The following ZNF804A variants were observed in gnomAD, a reference collection of about 807,000 sequenced individuals.
The protein encoded by ZNF804A is zinc finger protein 804A.
A neutral mutation model predicts 16.5 loss-of-function variants in ZNF804A; 2 were observed. The ratio of observed to expected loss-of-function variants is 0.12; its 90% CI spans 0.05 to 0.38. The LOEUF (loss-of-function observed/expected upper bound fraction) is 0.38, where lower values mean the gene tolerates loss of function less well. ZNF804A is among the 10% of genes least tolerant of loss of function. The probability of loss-of-function intolerance (pLI) is 0.99; values close to 1 mark genes in which losing one functional copy is unlikely to be tolerated. For missense variants in ZNF804A, 1,473 were observed against 1,390.7 expected (o/e 1.06, Z -0.94); for synonymous variants, 534 against 489.6 (o/e 1.09, Z -1.20).
chr2:184,611,898 T>A (rs1378307247), intron 1 of ZNF804A, among the ~76,000 whole-genome samples: 1 of 152,220 alleles, frequency 6.6e-6, no homozygotes, highest in Non-Finnish European at 1.5e-5. Context: ...TTTAGTCACA[T>A]GTGATACATG....
At chr2:184,921,049 T>C (rs561260089) in intron 2 of ZNF804A, among the ~76,000 whole-genome samples, 29 of 152,344 alleles carry the variant, frequency 1.9e-4, no homozygotes, top group Non-Finnish European at 4.0e-4. Context: ...GTATTTTTAA[T>C]AGAAACGGAG....
At chr2:184,656,278 G>T (rs960146187) in intron 1 of ZNF804A, among the ~76,000 whole-genome samples, 2 of 152,070 alleles carry the variant, frequency 1.3e-5, no homozygotes, top group African/African-American at 4.8e-5. Flanking sequence ...TCTACAGTAT[G>T]CACGCAATAT....
At position 184,837,591 on chromosome 2, in the gene ZNF804A, G is replaced by A. The variant is rs567120444; in HGVS notation, c.112-28778G>A. Among the ~76,000 whole-genome samples, 41 of 152,066 alleles carry A rather than the reference G, an allele frequency of 2.7e-4. No homozygotes were observed. In the South Asian group the frequency reaches 6.4e-3, roughly 24 times the overall value. On this transcript the variant is annotated intron_variant, in intron 1 of 3. Transcript: ENST00000302277. ...TGATTTTTTCCTAAAGACAAAGAAA[G>A]AAATAGAATAACAGCACTTTTTTAC...
chr2:184,618,545 A>G (rs1282967421), intron 1 of ZNF804A, among the ~76,000 whole-genome samples: 1 of 152,128 alleles, frequency 6.6e-6, no homozygotes, highest in Non-Finnish European at 1.5e-5. Context: ...CATAGGTTTC[A>G]CAGGGCCTAC....
chr2:184,633,948 C>T (rs1224987807), intron 1 of ZNF804A, among the ~76,000 whole-genome samples: 1 of 152,092 alleles, frequency 6.6e-6, no homozygotes, highest in Non-Finnish European at 1.5e-5. Flanking sequence ...TTCTTTCCAA[C>T]TTCCCCAAAA....
At chr2:184,620,874 T>C (rs1450372273) in intron 1 of ZNF804A, among the ~76,000 whole-genome samples, 1 of 151,736 alleles carries the variant, frequency 6.6e-6, no homozygotes, top group Non-Finnish European at 1.5e-5. Context: ...ATACAAGGAA[T>C]GGTATCATAA....
At chr2:184,651,504 A>G (rs1321926081) in intron 1 of ZNF804A, among the ~76,000 whole-genome samples, 4 of 152,108 alleles carry the variant, frequency 2.6e-5, no homozygotes, top group African/African-American at 9.7e-5. Flanking sequence ...TAAACAGACA[A>G]CCTACACAAT....
chr2:184,821,692 CA>C (rs1372978944), intron 1 of ZNF804A, among the ~76,000 whole-genome samples: 1 of 152,024 alleles, frequency 6.6e-6, no homozygotes, highest in Non-Finnish European at 1.5e-5. Flanking sequence ...CCAGATTCTA[CA>C]AGGAACTTAA....
chr2:184,894,285 G>C (rs967620675), intron 2 of ZNF804A, among the ~76,000 whole-genome samples: 2 of 151,962 alleles, frequency 1.3e-5, no homozygotes, highest in African/African-American at 2.4e-5. Flanking sequence ...AATACTGTTT[G>C]TTTAATATGT....
chr2:184,759,930 C>T (rs1478427461), intron 1 of ZNF804A, among the ~76,000 whole-genome samples: 2 of 152,122 alleles, frequency 1.3e-5, no homozygotes, highest in South Asian at 4.1e-4. Flanking sequence ...TCTTTTCGGA[C>T]TCAGCCCACC....
chr2:184,777,387 G>A (rs896453311), intron 1 of ZNF804A, among the ~76,000 whole-genome samples: 5 of 151,574 alleles, frequency 3.3e-5, no homozygotes, highest in African/African-American at 9.7e-5. Context: ...CTTTAAATAT[G>A]TTTTCCAGAT....
intron 1 of ZNF804A, among the ~76,000 whole-genome samples, chr2:184,840,187 G>A (rs530469201): frequency 3.9e-5 from 6 of 152,118 alleles, no homozygotes; most frequent in Non-Finnish European, 7.4e-5. Flanking sequence ...TCAGGAGTTC[G>A]AGTCCAGCCT....
chr2:184,726,628 A>G (rs1253658864), intron 1 of ZNF804A, among the ~76,000 whole-genome samples: 1 of 151,698 alleles, frequency 6.6e-6, no homozygotes, highest in Non-Finnish European at 1.5e-5. Context: ...TATCAGTGAC[A>G]ATTAAAAAAA....
At chr2:184,875,771 A>G (rs1029913921) in intron 2 of ZNF804A, among the ~76,000 whole-genome samples, 21 of 151,574 alleles carry the variant, frequency 1.4e-4, no homozygotes, top group Non-Finnish European at 2.5e-4. Flanking sequence ...GACATTAAAA[A>G]AAAAAAAAAA....
chr2:184,759,495 T>G (rs572810087), intron 1 of ZNF804A, among the ~76,000 whole-genome samples: 111 of 152,044 alleles, frequency 7.3e-4, no homozygotes, highest in Non-Finnish European at 1.4e-3. Context: ...TCCAAAATTT[T>G]TATAATATAT....
intron 1 of ZNF804A, among the ~76,000 whole-genome samples, chr2:184,723,187 C>A (rs931347788): frequency 1.3e-5 from 2 of 151,664 alleles, no homozygotes; most frequent in South Asian, 4.1e-4. Flanking sequence ...TTAATAGAAA[C>A]TTATTCTAAA....
chr2:184,655,952 T>A (rs2105703232), intron 1 of ZNF804A, among the ~76,000 whole-genome samples: 1 of 152,290 alleles, frequency 6.6e-6, no homozygotes, highest in East Asian at 1.9e-4. Context: ...AGGAGTTAAA[T>A]AATTAGATAT....
At chr2:184,715,486 A>G (rs543916446) in intron 1 of ZNF804A, among the ~76,000 whole-genome samples, 2 of 152,252 alleles carry the variant, frequency 1.3e-5, no homozygotes, top group Admixed American at 6.5e-5. Context: ...TCTGGGCTCA[A>G]GTGATCCTCT....
chr2:184,759,534 CTAAA>C (rs1311586455), intron 1 of ZNF804A, among the ~76,000 whole-genome samples: 2 of 151,698 alleles, frequency 1.3e-5, no homozygotes, highest in African/African-American at 2.4e-5. Flanking sequence ...AACATGAATA[CTAAA>C]TAGTCTTTCT....
Sources: allele counts gnomAD v4.1 joint callset (sites outside exome capture counted in the v4.1 genomes callset), GRCh38; gene constraint gnomAD v4.1.1; transcripts MANE v1.5; gene names NCBI Gene and HGNC (gene_info 2026-07-23, HGNC 2026-07-21).